Variants in ASTN2 observed in about 807,000 individuals in gnomAD.
The protein encoded by ASTN2 is astrotactin 2.
Under a neutral mutation model 139.8 loss-of-function variants are expected in ASTN2, and 54 were observed. The observed-to-expected ratio is 0.39, with a 90% confidence interval of 0.31 to 0.48. The LOEUF (loss-of-function observed/expected upper bound fraction) is 0.48. Among genes scored for constraint, ASTN2 ranks in the 20% least tolerant of loss-of-function variants. The pLI is 0.95. For synonymous variants in ASTN2, 756 were observed against 719.5 expected (o/e 1.05, Z -0.81); for missense variants, 1,565 against 1,725.1 (o/e 0.91, Z 1.64).
intron 12 of ASTN2, among the ~76,000 whole-genome samples, chr9:116,811,883 G>T (rs1831176863): frequency 6.6e-6 from 1 of 152,146 alleles, no homozygotes; most frequent in Non-Finnish European, 1.5e-5. Flanking sequence ...TCTAGATCCA[G>T]ATTTCTGAAA....
chr9:116,589,672 C>T (rs1020028379), intron 19 of ASTN2, among the ~76,000 whole-genome samples: 14 of 152,122 alleles, frequency 9.2e-5, no homozygotes, highest in African/African-American at 3.4e-4. Context: ...AATCCCACTC[C>T]CTCAGTGACA....
intron 20 of ASTN2, among the ~76,000 whole-genome samples, chr9:116,467,426 C>A (rs923402820): frequency 1.3e-5 from 2 of 152,180 alleles, no homozygotes; most frequent in Admixed American, 6.5e-5. Context: ...GCCACCACTT[C>A]CAGCTAATTT....
intron 19 of ASTN2, among the ~76,000 whole-genome samples, chr9:116,591,734 T>C (rs1278160585): frequency 6.6e-6 from 1 of 152,178 alleles, no homozygotes; most frequent in African/African-American, 2.4e-5. Flanking sequence ...GTTTTAACCT[T>C]CAGGAAGAGG....
chr9:116,429,580 T>A (rs1847431398), intron 22 of ASTN2, among the ~76,000 whole-genome samples: 1 of 152,184 alleles, frequency 6.6e-6, no homozygotes, highest in Admixed American at 6.5e-5. Flanking sequence ...AGCAAGCACC[T>A]GATGCTTGCT....
At chr9:116,495,194 G>A (rs1353006398) in intron 19 of ASTN2, among the ~76,000 whole-genome samples, 1 of 152,188 alleles carries the variant, frequency 6.6e-6, no homozygotes, top group Non-Finnish European at 1.5e-5. Flanking sequence ...GCATCGTGCT[G>A]AGACTTCAGG....
At chr9:116,524,447 T>A (rs1851007290) in intron 19 of ASTN2, among the ~76,000 whole-genome samples, 1 of 152,144 alleles carries the variant, frequency 6.6e-6, no homozygotes, top group Non-Finnish European at 1.5e-5. Flanking sequence ...GAAACACCTT[T>A]CCCTTGCAGG....
At chr9:116,458,229 G>C (rs1848388884) in intron 20 of ASTN2, among the ~76,000 whole-genome samples, 1 of 151,696 alleles carries the variant, frequency 6.6e-6, no homozygotes, top group Non-Finnish European at 1.5e-5. Flanking sequence ...CAGTGGAGAA[G>C]AAGGGGAAAA....
intron 19 of ASTN2, among the ~76,000 whole-genome samples, chr9:116,509,177 G>T (rs926550101): frequency 6.6e-6 from 1 of 152,036 alleles, no homozygotes; most frequent in Non-Finnish European, 1.5e-5. Flanking sequence ...CCCCACGACA[G>T]GCCCTGGCGT....
chr9:117,107,402 C>A (rs10983525), intron 4 of ASTN2, among the ~76,000 whole-genome samples: 1 of 151,928 alleles, frequency 6.6e-6, no homozygotes, highest in Non-Finnish European at 1.5e-5. Flanking sequence ...GACACCCTCC[C>A]GAAAGGATAT....
At chr9:116,974,405 G>C (rs1426828923) in intron 10 of ASTN2, among the ~76,000 whole-genome samples, 1 of 151,960 alleles carries the variant, frequency 6.6e-6, no homozygotes, top group Non-Finnish European at 1.5e-5. Context: ...GTATGAAGTA[G>C]AGTAAGTCTA....
At chr9:117,264,866 A>T (rs10983592) in intron 2 of ASTN2, among the ~76,000 whole-genome samples, 2 of 152,078 alleles carry the variant, frequency 1.3e-5, no homozygotes, top group African/African-American at 4.8e-5. Context: ...AATCACACAC[A>T]TAGTGGAGGA....
chr9:116,987,231 T>C (rs1335750983), intron 7 of ASTN2, among the ~76,000 whole-genome samples: 1 of 152,242 alleles, frequency 6.6e-6, no homozygotes, highest in Non-Finnish European at 1.5e-5. Flanking sequence ...GGAGACAGAC[T>C]TCCCCCTTGC....
chr9:117,168,635 A>G (rs1222881782), intron 3 of ASTN2, among the ~76,000 whole-genome samples: 1 of 152,142 alleles, frequency 6.6e-6, no homozygotes, highest in Non-Finnish European at 1.5e-5. Context: ...TAATCAATCC[A>G]GGGACCTCAT....
chr9:117,187,656 C>A (rs1831236308), intron 3 of ASTN2, among the ~76,000 whole-genome samples: 1 of 152,098 alleles, frequency 6.6e-6, no homozygotes, highest in Non-Finnish European at 1.5e-5. Context: ...CATGTGATGC[C>A]CTGCGCTGCC....
At chr9:116,615,641 C>T (rs1472273651) in intron 19 of ASTN2, among the ~76,000 whole-genome samples, 4 of 150,608 alleles carry the variant, frequency 2.7e-5, no homozygotes, top group East Asian at 2.0e-4. Flanking sequence ...AACCAAACAC[C>T]GCATGTTCTC....
intron 5 of ASTN2, among the ~76,000 whole-genome samples, chr9:117,040,192 T>C (rs966944468): frequency 6.6e-6 from 1 of 152,220 alleles, no homozygotes; most frequent in Non-Finnish European, 1.5e-5. Flanking sequence ...TTCCTTTGGG[T>C]AAGCATAAAA....
chr9:116,541,126 T>C (rs183799788), intron 19 of ASTN2, among the ~76,000 whole-genome samples: 1 of 152,304 alleles, frequency 6.6e-6, no homozygotes, highest in Admixed American at 6.5e-5. Context: ...AACTTACTCA[T>C]GTTTCTGCAT....
intron 2 of ASTN2, among the ~76,000 whole-genome samples, chr9:117,219,716 G>A (rs909585767): frequency 5.9e-5 from 9 of 152,186 alleles, no homozygotes; most frequent in South Asian, 2.1e-4. Flanking sequence ...AGCTTTCAGG[G>A]AGGAAGTGGA....
chr9:117,241,233 T>C (rs540167807), intron 2 of ASTN2, among the ~76,000 whole-genome samples: 8 of 152,276 alleles, frequency 5.3e-5, no homozygotes, highest in East Asian at 1.9e-4. Context: ...TTCTTTCTAA[T>C]GGATTAGTTT....
Sources: gnomAD v4.1 joint callset for allele counts (sites outside exome capture counted in the v4.1 genomes callset) on GRCh38, gnomAD v4.1.1 for gene constraint, MANE v1.5 for transcripts, NCBI Gene and HGNC (gene_info 2026-07-23, HGNC 2026-07-21) for gene names.